The following UVRAG variants were observed in gnomAD, a reference collection of about 807,000 sequenced individuals.
The protein encoded by UVRAG is UV radiation resistance associated.
Under a neutral mutation model 78.0 loss-of-function variants are expected in UVRAG, and 19 were observed. The observed-to-expected ratio is 0.24, with a 90% CI of 0.17 to 0.36. The LOEUF is 0.36. UVRAG is among the 10% of genes least tolerant of loss of function. The pLI is 1.00. For missense variants in UVRAG, 740 were observed against 853.8 expected (o/e 0.87, Z 1.66); for synonymous variants, 323 against 324.6 (o/e 1.00, Z 0.05).
At chr11:76,111,285 A>G (rs977308816) in intron 13 of UVRAG, among the ~76,000 whole-genome samples, 4 of 152,228 alleles carry the variant, frequency 2.6e-5, no homozygotes, top group Non-Finnish European at 5.9e-5. Flanking sequence ...AATATAATCC[A>G]AACCACAGAC....
At chr11:75,949,748 T>TAC (rs1565394608) in intron 6 of UVRAG, among the ~76,000 whole-genome samples, 2 of 148,830 alleles carry the variant, frequency 1.3e-5, no homozygotes, top group African/African-American at 5.0e-5. Flanking sequence ...CATATATATA[T>TAC]ACACACATAT....
At position 75,815,358 on chromosome 11, in the gene UVRAG, C is replaced by T; in HGVS notation, c.-50C>T. On this transcript the variant is annotated 5_prime_UTR_variant, in exon 1 of 15. Transcript: ENST00000356136. ...GTAGGTGGTGGCAAGGGGGCGGCGG[C>T]GGATGCCGGAAGAGTGCCCGCCCCG... The T allele has an allele frequency of 9.7e-7, 1 of 1,036,166 alleles. No homozygotes were observed. Among genetic ancestry groups the T allele is most frequent in the South Asian group, 4.1e-5 (1 of 24,300 alleles). The allele number at this position is 1,036,166 out of a possible 1,614,324, so 64.2% of individuals were successfully genotyped here.
At chr11:76,132,551 G>C (rs1210820493) in intron 14 of UVRAG, among the ~76,000 whole-genome samples, 2 of 147,584 alleles carry the variant, frequency 1.4e-5, no homozygotes, top group Non-Finnish European at 3.0e-5. Context: ...AGAGAATTAG[G>C]AAAAAAAAAA....
intron 1 of UVRAG, among the ~76,000 whole-genome samples, chr11:75,828,803 ATATTTT>A (rs1450557258): frequency 1.2e-5 from 1 of 85,454 alleles, no homozygotes; most frequent in Non-Finnish European, 2.2e-5. Flanking sequence ...ATATATATAT[ATATTTT>A]TTTTTTTTTG....
chr11:75,854,116 T>G (rs958831734), intron 2 of UVRAG, among the ~76,000 whole-genome samples: 2 of 152,220 alleles, frequency 1.3e-5, no homozygotes, highest in Non-Finnish European at 2.9e-5. Flanking sequence ...TCTGAATGAT[T>G]AATGCTAGCT....
chr11:75,838,199 A>G (rs1444931561), intron 1 of UVRAG, among the ~76,000 whole-genome samples: 1 of 152,222 alleles, frequency 6.6e-6, no homozygotes. Context: ...ACTGTAGGAT[A>G]TATCATAATT....
intron 13 of UVRAG, among the ~76,000 whole-genome samples, chr11:76,076,802 G>GTATGTATTTATTTATTTATT (rs1554987474): frequency 1.6e-4 from 23 of 147,556 alleles, no homozygotes; most frequent in African/African-American, 4.9e-4. Context: ...AAATTAGGTT[G>GTATGTATTTATTTATTTATT]TATTTATTTA....
At chr11:75,840,000 C>T (rs529029044) in intron 1 of UVRAG, among the ~76,000 whole-genome samples, 4 of 152,170 alleles carry the variant, frequency 2.6e-5, no homozygotes, top group African/African-American at 9.6e-5. Context: ...CTCCTTTCCT[C>T]CCTCCAATTA....
chr11:76,008,270 T>G (rs753171975), intron 10 of UVRAG, among the ~76,000 whole-genome samples: 11 of 152,160 alleles, frequency 7.2e-5, no homozygotes, highest in Non-Finnish European at 1.0e-4. Context: ...AAAATATGAT[T>G]GATAATTTTC....
At chr11:75,916,644 A>G (rs1947863236) in intron 6 of UVRAG, 1 of 152,278 alleles carries the variant, frequency 6.6e-6, no homozygotes, top group African/African-American at 2.4e-5. Flanking sequence ...GCAAAGAAAG[A>G]GTTTAATTAT....
At chr11:76,068,460 AATCCATAGG>A (rs1951238503) in intron 13 of UVRAG, among the ~76,000 whole-genome samples, 1 of 152,200 alleles carries the variant, frequency 6.6e-6, no homozygotes, top group Non-Finnish European at 1.5e-5. Context: ...AACTACTCTG[AATCCATAGG>A]GAGCAAGTAT....
chr11:76,039,488 G>C (rs181440525), intron 12 of UVRAG, among the ~76,000 whole-genome samples: 1 of 152,114 alleles, frequency 6.6e-6, no homozygotes, highest in East Asian at 1.9e-4. Flanking sequence ...AATTATATGA[G>C]AAAAAGAAAT....
chr11:75,951,210 G>T (rs1948689735), intron 6 of UVRAG, among the ~76,000 whole-genome samples: 2 of 151,758 alleles, frequency 1.3e-5, no homozygotes, highest in African/African-American at 4.8e-5. Context: ...ACAGGTTAAG[G>T]TTCATTTATT....
At chr11:76,046,841 A>G (rs1048364398) in intron 12 of UVRAG, among the ~76,000 whole-genome samples, 1 of 152,228 alleles carries the variant, frequency 6.6e-6, no homozygotes, top group Non-Finnish European at 1.5e-5. Context: ...TGAGAATAAT[A>G]AGCTTGGAGG....
At chr11:76,021,779 C>T (rs1195437666) in intron 12 of UVRAG, among the ~76,000 whole-genome samples, 1 of 152,164 alleles carries the variant, frequency 6.6e-6, no homozygotes, top group Admixed American at 6.5e-5. Flanking sequence ...TTTGGCTGGG[C>T]CTAGTGGCTC....
At chr11:75,857,099 A>G (rs1235948120) in intron 2 of UVRAG, among the ~76,000 whole-genome samples, 2 of 152,190 alleles carry the variant, frequency 1.3e-5, no homozygotes, top group African/African-American at 2.4e-5. Context: ...TTTTAACTAC[A>G]TTGTTGAAGT....
intron 12 of UVRAG, among the ~76,000 whole-genome samples, chr11:76,053,751 C>A (rs557264967): frequency 6.6e-6 from 1 of 152,262 alleles, no homozygotes; most frequent in Admixed American, 6.5e-5. Flanking sequence ...GCAGGCGGAT[C>A]ATGAGGTCAG....
chr11:75,909,266 G>A (rs892343627), intron 5 of UVRAG, among the ~76,000 whole-genome samples: 1 of 151,996 alleles, frequency 6.6e-6, no homozygotes. Flanking sequence ...AGGGTCTCAC[G>A]AACCCAGGAG....
chr11:75,975,823 T>C (rs1042135414), intron 7 of UVRAG, among the ~76,000 whole-genome samples: 3 of 152,216 alleles, frequency 2.0e-5, no homozygotes, highest in African/African-American at 7.2e-5. Flanking sequence ...CAGGGACAAT[T>C]TGACTTCCTC....
Sources: allele counts gnomAD v4.1 joint callset (sites outside exome capture counted in the v4.1 genomes callset), GRCh38; gene constraint gnomAD v4.1.1; transcripts MANE v1.5; gene names NCBI Gene and HGNC (gene_info 2026-07-23, HGNC 2026-07-21).